The following GRAMD2A variants were observed in gnomAD, a reference collection of about 807,000 sequenced individuals.
GRAMD2A encodes the protein GRAM domain containing 2A, also known as GRAM domain-containing protein 2A.
A neutral mutation model predicts 51.1 loss-of-function variants in GRAMD2A; 37 were observed. The ratio of observed to expected loss-of-function variants is 0.72; its 90% CI spans 0.56 to 0.95. The LOEUF (loss-of-function observed/expected upper bound fraction) is 0.95, where lower values mean the gene tolerates loss of function less well. GRAMD2A is among the 40% of genes least tolerant of loss of function. The probability of loss-of-function intolerance (pLI) is 0.00; values close to 1 mark genes in which losing one functional copy is unlikely to be tolerated. For missense variants in GRAMD2A, 414 were observed against 426.9 expected (o/e 0.97, Z 0.27); for synonymous variants, 136 against 157.1 (o/e 0.87, Z 1.01).
At chr15:72,184,588 A>T (rs907514141) in intron 1 of GRAMD2A, among the ~76,000 whole-genome samples, 1 of 152,200 alleles carries the variant, frequency 6.6e-6, no homozygotes, top group Middle Eastern at 3.2e-3. Flanking sequence ...CGCCCTGCCC[A>T]GGCTCCTGCC....
intron 1 of GRAMD2A, among the ~76,000 whole-genome samples, chr15:72,181,402 C>T (rs1024464347): frequency 3.9e-5 from 6 of 152,142 alleles, no homozygotes; most frequent in Non-Finnish European, 8.8e-5. Flanking sequence ...AGGAATGACT[C>T]GTGTTGTTGG....
chr15:72,180,159 C>A (rs935053253), intron 1 of GRAMD2A, among the ~76,000 whole-genome samples: 6 of 152,204 alleles, frequency 3.9e-5, no homozygotes, highest in Admixed American at 1.3e-4. Flanking sequence ...CAGCTAAAAC[C>A]GGGAAGCTTT....
At chr15:72,180,757 G>C (rs1213362461) in intron 1 of GRAMD2A, among the ~76,000 whole-genome samples, 1 of 152,208 alleles carries the variant, frequency 6.6e-6, no homozygotes, top group Admixed American at 6.5e-5. Context: ...ACTGCTGAGG[G>C]GCTTTGAGTA....
intron 4 of GRAMD2A, among the ~76,000 whole-genome samples, chr15:72,168,177 C>G (rs2081569481): frequency 6.6e-6 from 1 of 152,238 alleles, no homozygotes; most frequent in South Asian, 2.1e-4. Context: ...TGCTCTGCCC[C>G]AAGGGCCTTG....
intron 1 of GRAMD2A, among the ~76,000 whole-genome samples, chr15:72,180,846 G>A (rs940681746): frequency 6.6e-6 from 1 of 152,126 alleles, no homozygotes; most frequent in Non-Finnish European, 1.5e-5. Flanking sequence ...GACAACAAAT[G>A]TTGTCTGAGG....
chr15:72,172,795 G>T (rs2081623452), intron 1 of GRAMD2A, among the ~76,000 whole-genome samples: 1 of 152,114 alleles, frequency 6.6e-6, no homozygotes, highest in Non-Finnish European at 1.5e-5. Flanking sequence ...TCCCCAGTTT[G>T]TCGTTTCTCT....
chr15:72,166,991 G>C lies in GRAMD2A; in HGVS notation c.471+3C>G. On this transcript the variant is annotated splice_donor_region_variant and intron_variant, in intron 6 of 11. Transcript: ENST00000309731. The surrounding 1 kb of genome is among the most constrained non-coding windows in gnomAD (Gnocchi z 4.1). ...CAAGGGAGCATGGGCCCAGTGCACTGACCTTCTGGCTGGTGTTGGTGGTGA... is the reference window on the plus strand; with the variant it reads ...CAAGGGAGCATGGGCCCAGTGCACTCACCTTCTGGCTGGTGTTGGTGGTGA... The C allele has an allele frequency of 6.2e-7, 1 of 1,611,102 alleles. No individual in the cohort carries two copies. The highest frequency in any genetic ancestry group is 1.1e-5 in the South Asian group (1 of 91,030).
intron 2 of GRAMD2A, 86 bp downstream of exon 2, chr15:72,169,761 T>G: frequency 1.7e-5 from 19 of 1,108,854 alleles, no homozygotes; most frequent in Non-Finnish European, 2.5e-5. Context: ...GGCTCTGCCT[T>G]GAGGTCCTCT....
rs2081602576 is a variant in GRAMD2A, at chr15:72,170,747, A to G, written c.42-808T>C. On this transcript the variant is annotated intron_variant, in intron 1 of 11. Transcript: ENST00000309731. The surrounding 1 kb of genome is among the most constrained non-coding windows in gnomAD (Gnocchi z 4.5). ...AAGCCAGCCCCAACCAAGTGGGCCCAGGGGCTGACCAAGAAAGAGAGGGTG... is the reference window on the plus strand; with the variant it reads ...AAGCCAGCCCCAACCAAGTGGGCCCGGGGGCTGACCAAGAAAGAGAGGGTG... 6.6e-6 allele frequency among the ~76,000 whole-genome samples: 1 copy of G among 152,112 alleles called. No homozygotes were observed. The highest frequency in any genetic ancestry group is 1.5e-5 in the Non-Finnish European group (1 of 68,020).
At chr15:72,163,519 C>G (rs1187812676) in intron 9 of GRAMD2A, 43 bp from the exon 10 acceptor site, 1 of 1,604,392 alleles carries the variant, frequency 6.2e-7, no homozygotes, top group East Asian at 2.2e-5. Context: ...CTCAGAAGCC[C>G]TGCTGGCTGT....
At chr15:72,191,031 A>G (rs1307693721) in intron 1 of GRAMD2A, among the ~76,000 whole-genome samples, 2 of 152,196 alleles carry the variant, frequency 1.3e-5, no homozygotes, top group Admixed American at 6.5e-5. Context: ...CACATCAAAT[A>G]TGTTTAAATC....
chr15:72,166,962 C>CGTCA lies in GRAMD2A; in HGVS notation c.471+31_471+32insTGAC, dbSNP rs2081552680. The CGTCA allele has an allele frequency of 6.4e-7, 1 of 1,550,982 alleles. No homozygotes were observed. On this transcript the variant is annotated intron_variant, in intron 6 of 11. Coordinates refer to ENST00000309731, the MANE Select transcript of GRAMD2A (RefSeq NM_001012642.3). The surrounding 1 kb of genome is among the most constrained non-coding windows in gnomAD (Gnocchi z 4.1). ...GGCTGTCAGGGCTGGGAGCGGGAGA[C>CGTCA]TGACAAGGGAGCATGGGCCCAGTGC...
intron 2 of GRAMD2A, chr15:72,169,343 G>A (rs2081583753): frequency 2.2e-6 from 1 of 456,532 alleles, no homozygotes; most frequent in South Asian, 1.9e-5. Context: ...CTGGCCAAGG[G>A]GTAAGCAGGG....
rs147369768 is a variant in GRAMD2A at position 72,191,988 on chromosome 15, C to T, written c.41+5743G>A. 7.7e-4 allele frequency among the ~76,000 whole-genome samples: 117 copies of T among 152,252 alleles called. 1 individual carries two copies. The highest frequency in any genetic ancestry group is 3.4e-3 in the Middle Eastern group (1 of 294). On this transcript the variant is annotated intron_variant, in intron 1 of 11. Transcript: ENST00000309731. ...TGAGACAATGGAGGGAATGTAAATG[C>T]TGACTAGCTATCTGATTAAGAAGTT... is the stretch of plus-strand genomic sequence containing the variant.
rs1321757363 is a variant in GRAMD2A at position 72,166,328 on chromosome 15, T to C, written c.543+304A>G. ...GTTCTGTAGGTGATGTGTACCTCTA[T>C]TAAACACATTTTTGACTTACGATAT... On this transcript the variant is annotated intron_variant, in intron 7 of 11. Transcript: ENST00000309731. The surrounding 1 kb of genome is among the most constrained non-coding windows in gnomAD (Gnocchi z 4.1). Among the ~76,000 whole-genome samples the C allele has an allele frequency of 6.6e-6, 1 of 152,262 alleles. No homozygotes were observed. Among genetic ancestry groups the C allele is most frequent in the East Asian group, 1.9e-4 (1 of 5,206 alleles).
chr15:72,193,818 G>A (rs773269004), intron 1 of GRAMD2A, among the ~76,000 whole-genome samples: 2 of 152,200 alleles, frequency 1.3e-5, no homozygotes, highest in South Asian at 2.1e-4. Context: ...GAGCCAACGC[G>A]CCAGGCCGTG....
At chr15:72,172,365 C>T (rs2081619470) in intron 1 of GRAMD2A, among the ~76,000 whole-genome samples, 1 of 151,866 alleles carries the variant, frequency 6.6e-6, no homozygotes, top group African/African-American at 2.4e-5. Flanking sequence ...TCAATCGTCC[C>T]ACCTCAGCTT....
chr15:72,194,181 G>A (rs1413227439), intron 1 of GRAMD2A, among the ~76,000 whole-genome samples: 1 of 152,244 alleles, frequency 6.6e-6, no homozygotes. Context: ...ATCAGAGATG[G>A]CTGCAGAATT....
intron 3 of GRAMD2A, 85 bp downstream of exon 3, chr15:72,168,854 T>G (rs2081577878): frequency 2.4e-6 from 3 of 1,243,058 alleles, no homozygotes; most frequent in Admixed American, 1.7e-5. Flanking sequence ...ACAGGCCCGG[T>G]GGCCAAGGAG....
Sources: allele counts gnomAD v4.1 joint callset (sites outside exome capture counted in the v4.1 genomes callset), GRCh38; gene constraint gnomAD v4.1.1; non-coding constraint Gnocchi (gnomAD v3.1); transcripts MANE v1.5; gene names NCBI Gene and HGNC (gene_info 2026-07-23, HGNC 2026-07-21).